Variants in PTPRN2 observed in about 807,000 individuals in gnomAD.
The protein encoded by PTPRN2 is protein tyrosine phosphatase receptor type N2.
Under a neutral mutation model 118.8 loss-of-function variants are expected in PTPRN2, and 74 were observed. The observed-to-expected ratio is 0.62, with a 90% confidence interval of 0.52 to 0.76. The LOEUF is 0.76. Ranked by LOEUF, PTPRN2 falls within the 30% of genes least tolerant of loss-of-function variation. The pLI is 0.00. For missense variants in PTPRN2, 1,481 were observed against 1,394.4 expected (o/e 1.06, Z -0.99); for synonymous variants, 641 against 608.0 (o/e 1.05, Z -0.80).
chr7:158,188,049 G>A (rs1825319299), intron 5 of PTPRN2, among the ~76,000 whole-genome samples: 1 of 151,972 alleles, frequency 6.6e-6, no homozygotes, highest in Non-Finnish European at 1.5e-5. Context: ...CAGCAGCCCT[G>A]GGGAGCGGCA....
chr7:158,098,908 G>T (rs1814914933), intron 10 of PTPRN2, among the ~76,000 whole-genome samples: 1 of 151,886 alleles, frequency 6.6e-6, no homozygotes, highest in African/African-American at 2.4e-5. Context: ...CAGCGTTCCT[G>T]GGTCCTTGAG....
intron 1 of PTPRN2, chr7:158,532,931 C>T (rs757960484): frequency 9.8e-6 from 4 of 407,788 alleles, no homozygotes; most frequent in Non-Finnish European, 1.5e-5. Context: ...TCCTGACTGG[C>T]CTCTCTCTAC....
intron 12 of PTPRN2, among the ~76,000 whole-genome samples, chr7:157,819,840 T>C (rs903812340): frequency 6.7e-6 from 1 of 150,144 alleles, no homozygotes; most frequent in African/African-American, 2.5e-5. Context: ...TCACACTGCA[T>C]GACCCCCCCC....
chr7:158,104,603 A>G (rs1346017799), intron 10 of PTPRN2, among the ~76,000 whole-genome samples: 1 of 152,114 alleles, frequency 6.6e-6, no homozygotes, highest in Non-Finnish European at 1.5e-5. Flanking sequence ...GGAAGAGCCA[A>G]CAACCACCCA....
chr7:158,069,004 G>A (rs536791405), intron 11 of PTPRN2, among the ~76,000 whole-genome samples: 74 of 152,108 alleles, frequency 4.9e-4, no homozygotes, highest in Non-Finnish European at 9.6e-4. Context: ...CCCTGCTGCC[G>A]ACACCATCTT....
In PTPRN2 at chr7:157,591,511, T is replaced by C. The variant is rs1158936677; in HGVS notation, c.2496+3727A>G. ...CCAACTTCGCATTTCAAATCCACCT[T>C]TGTCCTTAAAAATACACGTTACCGT... On this transcript the variant is annotated intron_variant, in intron 17 of 22. Coordinates refer to ENST00000389418, the MANE Select transcript of PTPRN2 (RefSeq NM_002847.5). The surrounding 1 kb of genome is among the most constrained non-coding windows in gnomAD (Gnocchi z 4.4). 1.3e-5 allele frequency among the ~76,000 whole-genome samples: 2 copies of C among 152,244 alleles called. No homozygotes were observed. The highest frequency in any genetic ancestry group is 4.8e-5 in the African/African-American group (2 of 41,466).
intron 11 of PTPRN2, among the ~76,000 whole-genome samples, chr7:158,038,098 T>C (rs1219651260): frequency 6.6e-6 from 1 of 152,214 alleles, no homozygotes; most frequent in Non-Finnish European, 1.5e-5. Context: ...TGCACTAAGA[T>C]GTGCACACTT....
chr7:158,274,524 C>T lies in PTPRN2; in HGVS notation c.277+42295G>A, dbSNP rs540727757. On this transcript the variant is annotated intron_variant, in intron 3 of 22. Coordinates refer to ENST00000389418, the MANE Select transcript of PTPRN2 (RefSeq NM_002847.5). ...GGGGGAGCCACAGGCACGGGGGAGCCGCAGGCACAGGGGGAGCCACAGACA... is the reference window on the plus strand; with the variant it reads ...GGGGGAGCCACAGGCACGGGGGAGCTGCAGGCACAGGGGGAGCCACAGACA... Among the ~76,000 whole-genome samples the T allele has an allele frequency of 3.3e-5, 5 of 152,036 alleles. No individual in the cohort carries two copies. In the East Asian group the frequency reaches 7.8e-4, roughly 24 times the overall value.
intron 20 of PTPRN2, among the ~76,000 whole-genome samples, chr7:157,570,418 A>AACAC (rs1357227004): frequency 6.6e-6 from 1 of 152,256 alleles, no homozygotes; most frequent in African/African-American, 2.4e-5. Flanking sequence ...GCACACACAA[A>AACAC]ACACACATGC....
At chr7:157,608,378 T>C (rs1169996092) in intron 15 of PTPRN2, among the ~76,000 whole-genome samples, 1 of 151,988 alleles carries the variant, frequency 6.6e-6, no homozygotes, top group Non-Finnish European at 1.5e-5. Flanking sequence ...AGCAAAATCA[T>C]TGTGTTTGTA....
At chr7:158,119,022 GAGAT>G (rs1563459736) in intron 9 of PTPRN2, among the ~76,000 whole-genome samples, 4 of 152,272 alleles carry the variant, frequency 2.6e-5, no homozygotes, top group African/African-American at 7.2e-5. Context: ...TTTAATATAA[GAGAT>G]AGCACTGTGA....
rs767591910 is a variant in PTPRN2 at position 157,578,173 on chromosome 7, G to C, written c.2497-33C>G. ...CAAAGAAGGCCCGTGGCCGCGGTGT[G>C]ACTGTCTCATCACCGCGTGACATGT... On this transcript the variant is annotated intron_variant, in intron 17 of 22. Transcript: ENST00000389418. The C allele has an allele frequency of 1.9e-6, 3 of 1,585,040 alleles. No individual in the cohort carries two copies. The South Asian group carries it at 3.4e-5, about 18-fold the overall frequency.
At chr7:158,510,927 G>A (rs889986057) in intron 1 of PTPRN2, among the ~76,000 whole-genome samples, 4 of 152,262 alleles carry the variant, frequency 2.6e-5, no homozygotes, top group African/African-American at 9.6e-5. Flanking sequence ...GAGGCCCAAG[G>A]AATGTACCTT....
At chr7:157,695,066 G>T (rs1056982722) in intron 12 of PTPRN2, among the ~76,000 whole-genome samples, 1 of 152,068 alleles carries the variant, frequency 6.6e-6, no homozygotes, top group Non-Finnish European at 1.5e-5. Flanking sequence ...TTCTTTTAAA[G>T]TGCATTTCAC....
In PTPRN2 at chr7:158,441,147, G is replaced by GTGA. The variant is rs527603384; in HGVS notation, c.163+48587_163+48588insTCA. Among the ~76,000 whole-genome samples, 40 of 150,130 alleles carry GTGA rather than the reference G, an allele frequency of 2.7e-4. No homozygotes were observed. In the South Asian group the frequency reaches 7.1e-3, roughly 27 times the overall value. ...AGTGGTGATGGCAGTGGTAGTGATG[G>GTGA]TGGTGATAGTGATGGTGATAGCAGT... On this transcript the variant is annotated intron_variant, in intron 2 of 22. Coordinates refer to ENST00000389418, the MANE Select transcript of PTPRN2 (RefSeq NM_002847.5).
At chr7:158,299,456 T>A (rs10263215) in intron 3 of PTPRN2, among the ~76,000 whole-genome samples, 1 of 151,988 alleles carries the variant, frequency 6.6e-6, no homozygotes, top group African/African-American at 2.4e-5. Flanking sequence ...TGCCACCACA[T>A]CCGGCTAATT....
intron 2 of PTPRN2, among the ~76,000 whole-genome samples, chr7:158,342,468 AAGAGC>A (rs1807085935): frequency 1.2e-5 from 1 of 85,180 alleles, no homozygotes; most frequent in Non-Finnish European, 2.3e-5. Flanking sequence ...CTCTCACCAT[AAGAGC>A]TGACACCTGC....
intron 6 of PTPRN2, among the ~76,000 whole-genome samples, chr7:158,139,479 A>G (rs1819169364): frequency 6.6e-6 from 1 of 151,630 alleles, no homozygotes; most frequent in South Asian, 2.1e-4. Context: ...AAGCCGTCGG[A>G]GTCAGGAGGG....
intron 11 of PTPRN2, among the ~76,000 whole-genome samples, chr7:158,025,707 T>C (rs954223821): frequency 1.3e-5 from 2 of 152,198 alleles, no homozygotes; most frequent in Non-Finnish European, 1.5e-5. Flanking sequence ...ACATAAAATA[T>C]TGAACAAAAA....
Sources: allele counts gnomAD v4.1 joint callset (sites outside exome capture counted in the v4.1 genomes callset), GRCh38; gene constraint gnomAD v4.1.1; non-coding constraint Gnocchi (gnomAD v3.1); transcripts MANE v1.5; gene names NCBI Gene and HGNC (gene_info 2026-07-23, HGNC 2026-07-21).